Variants in PRIM2 observed in about 807,000 individuals in gnomAD.
PRIM2 encodes DNA primase subunit 2.
PRIM2 carries 39 observed loss-of-function variants against 67.3 expected under a neutral mutation model. The observed-to-expected ratio is 0.58, with a 90% CI of 0.45 to 0.76. The LOEUF (loss-of-function observed/expected upper bound fraction) is 0.76. Ranked by LOEUF, PRIM2 falls within the 30% of genes least tolerant of loss-of-function variation. The probability of loss-of-function intolerance (pLI) is 0.00; values close to 1 mark genes in which losing one functional copy is unlikely to be tolerated. For synonymous variants in PRIM2, 143 were observed against 198.7 expected, an observed-to-expected ratio of 0.72 and a Z score of 2.36; for missense variants, 398 against 598.7, an observed-to-expected ratio of 0.66 and a Z score of 3.50.
intron 12 of PRIM2, among the ~76,000 whole-genome samples, chr6:57,608,991 T>G (rs1776617126): frequency 6.6e-6 from 1 of 152,242 alleles, no homozygotes; most frequent in South Asian, 2.1e-4. Flanking sequence ...AATTATTTGT[T>G]TACCTGTTCA....
chr6:57,224,768 T>C, the PRIM2 span, among the ~76,000 whole-genome samples: 5 of 152,262 alleles, frequency 3.3e-5, no homozygotes, highest in African/African-American at 1.2e-4. Flanking sequence ...CTTGGGATTG[T>C]TGGACATTGA....
intron 7 of PRIM2, among the ~76,000 whole-genome samples, chr6:57,492,217 C>G (rs1554346021): frequency 6.6e-6 from 1 of 152,156 alleles, no homozygotes; most frequent in East Asian, 1.9e-4. Flanking sequence ...GCTTGTGTAC[C>G]GGACAGAAGT....
chr6:57,432,344 T>A (rs1274464114), intron 7 of PRIM2, among the ~76,000 whole-genome samples: 1 of 152,100 alleles, frequency 6.6e-6, no homozygotes, highest in Non-Finnish European at 1.5e-5. Flanking sequence ...AGAATTGTAT[T>A]CATATTTTTC....
At chr6:57,278,179 T>G in the PRIM2 span, among the ~76,000 whole-genome samples, 1 of 151,500 alleles carries the variant, frequency 6.6e-6, no homozygotes, top group African/African-American at 2.4e-5. Context: ...ATACAAAAAT[T>G]AGCCGGGTGT....
chr6:57,403,279 T>C (rs1332939554), intron 7 of PRIM2, among the ~76,000 whole-genome samples: 1 of 143,854 alleles, frequency 7.0e-6, no homozygotes, highest in African/African-American at 2.7e-5. Flanking sequence ...TTTTTGGAGA[T>C]CCAGTCTCGC....
chr6:57,501,610 GT>G (rs1271439078), intron 7 of PRIM2, among the ~76,000 whole-genome samples: 2 of 152,046 alleles, frequency 1.3e-5, no homozygotes, highest in Non-Finnish European at 2.9e-5. Context: ...GGATTTCAGT[GT>G]TTTTAAAACT....
chr6:57,329,484 T>A (rs1767981076), intron 5 of PRIM2, among the ~76,000 whole-genome samples: 1 of 152,120 alleles, frequency 6.6e-6, no homozygotes, highest in East Asian at 1.9e-4. Context: ...CCAAATCTCA[T>A]CTTGAATTGT....
At chr6:57,363,735 A>G (rs1769267855) in intron 5 of PRIM2, among the ~76,000 whole-genome samples, 1 of 152,188 alleles carries the variant, frequency 6.6e-6, no homozygotes, top group Non-Finnish European at 1.5e-5. Flanking sequence ...GTCTAGGAGT[A>G]GAATTCTTTT....
intron 7 of PRIM2, among the ~76,000 whole-genome samples, chr6:57,453,649 T>A (rs1407114234): frequency 4.9e-4 from 75 of 152,352 alleles, no homozygotes; most frequent in African/African-American, 1.8e-3. Flanking sequence ...ATCTTGAGAC[T>A]TTGCCGAAGT....
At chr6:57,235,639 T>G in the PRIM2 span, among the ~76,000 whole-genome samples, 7 of 152,148 alleles carry the variant, frequency 4.6e-5, no homozygotes, top group Admixed American at 2.0e-4. Flanking sequence ...AACCTGTGAT[T>G]ATGTATGTAC....
the PRIM2 span, among the ~76,000 whole-genome samples, chr6:57,242,508 C>A: frequency 6.6e-6 from 1 of 152,010 alleles, no homozygotes; most frequent in Non-Finnish European, 1.5e-5. Context: ...AAATAACTTA[C>A]AATTGACTTA....
At chr6:57,601,699 T>C (rs1776470553) in intron 11 of PRIM2, among the ~76,000 whole-genome samples, 1 of 152,202 alleles carries the variant, frequency 6.6e-6, no homozygotes, top group Non-Finnish European at 1.5e-5. Flanking sequence ...TAACATGTCG[T>C]GATATCTGCC....
At chr6:57,360,056 T>C (rs994272) in intron 5 of PRIM2, among the ~76,000 whole-genome samples, 8 of 152,196 alleles carry the variant, frequency 5.3e-5, no homozygotes, top group African/African-American at 9.7e-5. Context: ...TATGTGGTGC[T>C]CTTAGCCCCT....
At chr6:57,324,874 C>T (rs1331764569) in intron 4 of PRIM2, among the ~76,000 whole-genome samples, 1 of 151,882 alleles carries the variant, frequency 6.6e-6, no homozygotes, top group Non-Finnish European at 1.5e-5. Context: ...GCTTACTATC[C>T]CAAGATAATA....
Position 57,335,554 on chromosome 6 carries a change from C to G in PRIM2, c.459+9509C>G, listed in dbSNP as rs1330196319. Among the ~76,000 whole-genome samples, 8 of 152,302 alleles carry G rather than the reference C, an allele frequency of 5.3e-5. No homozygotes were observed. In the East Asian group the frequency reaches 1.5e-3, roughly 29 times the overall value. ...TGCCTCCTCAAGTGGGTCCCTGACCCCTGACCCCCGAGCAGCCTAACTGGG... is the reference window on the plus strand; with the variant it reads ...TGCCTCCTCAAGTGGGTCCCTGACCGCTGACCCCCGAGCAGCCTAACTGGG... On this transcript the variant is annotated intron_variant, in intron 5 of 13. Transcript: ENST00000615550.
chr6:57,422,564 T>C (rs957266668), intron 7 of PRIM2, among the ~76,000 whole-genome samples: 3 of 152,250 alleles, frequency 2.0e-5, no homozygotes, highest in Admixed American at 2.0e-4. Context: ...AGAACTTTAA[T>C]GTAAAGATAC....
chr6:57,503,622 A>G, intron 7 of PRIM2, among the ~76,000 whole-genome samples: 1 of 152,072 alleles, frequency 6.6e-6, no homozygotes, highest in East Asian at 1.9e-4. Flanking sequence ...GGTGGCACAC[A>G]CCTGTAATCC....
intron 8 of PRIM2, among the ~76,000 whole-genome samples, chr6:57,529,288 C>T (rs1294411241): frequency 8.6e-5 from 13 of 150,622 alleles, no homozygotes; most frequent in African/African-American, 2.9e-4. Context: ...CCAGCCTGGG[C>T]GACAGACAGA....
chr6:57,523,866 T>G (rs1276086907), intron 8 of PRIM2, among the ~76,000 whole-genome samples: 1 of 152,238 alleles, frequency 6.6e-6, no homozygotes, highest in Non-Finnish European at 1.5e-5. Flanking sequence ...ATATTCGTGG[T>G]ACATTGAACA....
Sources: gnomAD v4.1 joint callset for allele counts (sites outside exome capture counted in the v4.1 genomes callset) on GRCh38, gnomAD v4.1.1 for gene constraint, MANE v1.5 for transcripts, NCBI Gene and HGNC (gene_info 2026-07-23, HGNC 2026-07-21) for gene names.